Variants in NIBAN1 observed in about 807,000 individuals in gnomAD.
NIBAN1 encodes niban apoptosis regulator 1, also known as protein Niban 1.
NIBAN1 carries 81 observed loss-of-function variants against 75.1 expected under a neutral mutation model. The ratio of observed to expected loss-of-function variants is 1.08; its 90% CI spans 0.90 to 1.30. The LOEUF is 1.30. Among genes scored for constraint, NIBAN1 ranks in the 50% most tolerant of loss-of-function variants. The pLI, the probability that NIBAN1 is intolerant of heterozygous loss-of-function variation, is 0.00. For synonymous variants in NIBAN1, 436 were observed against 424.8 expected (o/e 1.03, Z -0.32); for missense variants, 1,133 against 1,128.1 (o/e 1.00, Z -0.06).
At chr1:184,940,443 CCA>C (rs1343147026) in intron 1 of NIBAN1, among the ~76,000 whole-genome samples, 1 of 152,134 alleles carries the variant, frequency 6.6e-6, no homozygotes, top group Non-Finnish European at 1.5e-5. Context: ...TTGTATAATA[CCA>C]CAGACTTCTC....
chr1:184,794,828 C>T lies in NIBAN1; in HGVS notation c.*149G>A. On this transcript the variant is annotated 3_prime_UTR_variant, in exon 14 of 14. Coordinates refer to ENST00000367511, the MANE Select transcript of NIBAN1 (RefSeq NM_052966.4). Reference sequence around the variant, plus strand: ...TCCACAAAGGTTTGCCTCAGTTGCTCATGCCCTGTATGCATTTCCTCTGGT... The same window carrying T: ...TCCACAAAGGTTTGCCTCAGTTGCTTATGCCCTGTATGCATTTCCTCTGGT... 1 of 1,017,426 alleles carries T rather than the reference C, an allele frequency of 9.8e-7. No homozygotes were observed. The highest frequency in any genetic ancestry group is 1.4e-5 in the South Asian group (1 of 72,582). 63.0% of individuals were successfully genotyped at this position (1,017,426 alleles called of 1,614,324 possible).
rs777659722 is a variant in NIBAN1 at position 184,803,536 on chromosome 1, A to G, written c.1554+49T>C. ...ACACATCACAAAAGAACTTGTTTGAACTTCAGAGGTAAGAAGAGCAAGCTC... is the reference window on the plus strand; with the variant it reads ...ACACATCACAAAAGAACTTGTTTGAGCTTCAGAGGTAAGAAGAGCAAGCTC... On this transcript the variant is annotated intron_variant, in intron 12 of 13. Coordinates refer to ENST00000367511, the MANE Select transcript of NIBAN1 (RefSeq NM_052966.4). The G allele has an allele frequency of 4.1e-6, 6 of 1,460,340 alleles. No homozygotes were observed. In the South Asian group the frequency reaches 6.9e-5, roughly 17 times the overall value. The allele number at this position is 1,460,340 out of a possible 1,614,324, so 90.5% of individuals were successfully genotyped here.
intron 2 of NIBAN1, 47 bp downstream of exon 2, chr1:184,899,132 G>T (rs750966031): frequency 1.2e-6 from 2 of 1,605,756 alleles, no homozygotes; most frequent in Admixed American, 3.3e-5. Flanking sequence ...GTGCTATATA[G>T]CCTTCTTCAA....
chr1:184,804,110 T>A (rs1432630944), intron 11 of NIBAN1, among the ~76,000 whole-genome samples: 1 of 152,206 alleles, frequency 6.6e-6, no homozygotes, highest in Non-Finnish European at 1.5e-5. Context: ...AAGGCCTGGC[T>A]AGTGGCTCCA....
intron 5 of NIBAN1, among the ~76,000 whole-genome samples, chr1:184,877,644 T>C (rs1356600506): frequency 1.3e-5 from 2 of 152,178 alleles, no homozygotes; most frequent in Non-Finnish European, 2.9e-5. Context: ...ATATTTATAT[T>C]TAAAAGAAAT....
At chr1:184,875,871 G>GT (rs796244360) in intron 5 of NIBAN1, among the ~76,000 whole-genome samples, 5 of 152,114 alleles carry the variant, frequency 3.3e-5, no homozygotes, top group Non-Finnish European at 5.9e-5. Context: ...CCAAATCTGT[G>GT]TTTTTTTAAG....
rs1447514171 is a variant in NIBAN1 at position 184,806,046 on chromosome 1, T to C, written c.1346A>G (p.Asn449Ser). The C allele has an allele frequency of 6.2e-7, 1 of 1,613,746 alleles. No individual in the cohort carries two copies. Among genetic ancestry groups the C allele is most frequent in the Non-Finnish European group, 8.5e-7 (1 of 1,179,876 alleles). The stretch of plus-strand genomic sequence containing the variant: ...CAACTGCTCAAAAGTGAACACTGCA[T>C]TCTCCATTAGCTAGAAACCAGAAGC... ...TQNYMQELME[N>S]AVFTFEQLLS... The change falls in exon 11 of 14, where the codon AAT becomes AGT. Residue 449 changes from asparagine (N) to serine (S), a missense_variant. Transcript: ENST00000367511.
intron 5 of NIBAN1, among the ~76,000 whole-genome samples, chr1:184,834,669 C>G (rs1231023662): frequency 6.6e-6 from 1 of 152,136 alleles, no homozygotes; most frequent in Non-Finnish European, 1.5e-5. Flanking sequence ...TGAGAAGTGT[C>G]TGTTCATGTC....
At chr1:184,955,744 G>A (rs1658472731) in intron 1 of NIBAN1, among the ~76,000 whole-genome samples, 1 of 152,230 alleles carries the variant, frequency 6.6e-6, no homozygotes, top group South Asian at 2.1e-4. Context: ...AACATGTTGA[G>A]GGTGATATAA....
intron 5 of NIBAN1, among the ~76,000 whole-genome samples, chr1:184,862,670 T>C (rs183367458): frequency 6.6e-6 from 1 of 152,324 alleles, no homozygotes; most frequent in Admixed American, 6.5e-5. Context: ...ATTTTATTTC[T>C]TGGTATTTCC....
chr1:184,913,047 C>T (rs755214027), intron 1 of NIBAN1, among the ~76,000 whole-genome samples: 1 of 151,472 alleles, frequency 6.6e-6, no homozygotes, highest in Non-Finnish European at 1.5e-5. Context: ...TTAATCAGTC[C>T]CCTATCGATG....
intron 5 of NIBAN1, among the ~76,000 whole-genome samples, chr1:184,879,146 A>G (rs1368550844): frequency 6.6e-6 from 1 of 152,198 alleles, no homozygotes; most frequent in Non-Finnish European, 1.5e-5. Context: ...ATATCTACTT[A>G]TTTATTAACA....
intron 5 of NIBAN1, among the ~76,000 whole-genome samples, chr1:184,883,246 C>G (rs199906573): frequency 6.6e-6 from 1 of 152,182 alleles, no homozygotes; most frequent in South Asian, 2.1e-4. Flanking sequence ...GCTGAAAGTT[C>G]GGCACTCCTT....
chr1:184,958,041 A>G (rs1369178896), intron 1 of NIBAN1, among the ~76,000 whole-genome samples: 1 of 152,144 alleles, frequency 6.6e-6, no homozygotes, highest in Non-Finnish European at 1.5e-5. Context: ...TTTATAATCT[A>G]CCATCTCACC....
At chr1:184,812,120 G>C (rs533644336) in intron 9 of NIBAN1, among the ~76,000 whole-genome samples, 3 of 152,220 alleles carry the variant, frequency 2.0e-5, no homozygotes, top group Admixed American at 2.0e-4. Context: ...TTCACCTTAT[G>C]CACCCTCCCA....
intron 6 of NIBAN1, among the ~76,000 whole-genome samples, chr1:184,831,561 T>A (rs928212299): frequency 1.3e-5 from 2 of 152,160 alleles, no homozygotes; most frequent in South Asian, 4.1e-4. Flanking sequence ...AAGCACGAGG[T>A]CATTTGAAAG....
intron 1 of NIBAN1, among the ~76,000 whole-genome samples, chr1:184,944,389 T>G (rs1011389216): frequency 4.6e-5 from 7 of 152,236 alleles, no homozygotes; most frequent in African/African-American, 1.7e-4. Context: ...AGCTGAAGAC[T>G]AGAAGACCCA....
intron 1 of NIBAN1, among the ~76,000 whole-genome samples, chr1:184,903,357 T>C (rs753205327): frequency 1.1e-4 from 17 of 152,216 alleles, no homozygotes; most frequent in Non-Finnish European, 2.4e-4. Flanking sequence ...TCATCACTGA[T>C]GCTAAAAGAA....
At chr1:184,898,656 A>T (rs1296159055) in intron 2 of NIBAN1, among the ~76,000 whole-genome samples, 1 of 152,128 alleles carries the variant, frequency 6.6e-6, no homozygotes, top group Non-Finnish European at 1.5e-5. Flanking sequence ...TTTAGCATTT[A>T]TTATTATCTG....
Sources: allele counts gnomAD v4.1 joint callset (sites outside exome capture counted in the v4.1 genomes callset), GRCh38; gene constraint gnomAD v4.1.1; transcripts MANE v1.5; gene names NCBI Gene and HGNC (gene_info 2026-07-23, HGNC 2026-07-21).